Variants in HPSE2 observed in about 807,000 individuals in gnomAD.
HPSE2 encodes inactive heparanase-2.
In HPSE2, 38 loss-of-function variants were observed where a neutral mutation model predicts 60.5. The ratio of observed to expected loss-of-function variants is 0.63; its 90% confidence interval spans 0.48 to 0.82. The LOEUF is 0.82. HPSE2 is among the 40% of genes least tolerant of loss of function. The probability of loss-of-function intolerance (pLI) is 0.00; values close to 1 mark genes in which losing one functional copy is unlikely to be tolerated. For missense variants in HPSE2, 713 were observed against 740.4 expected (o/e 0.96, Z 0.43); for synonymous variants, 295 against 293.2 (o/e 1.01, Z -0.06).
At chr10:98,577,820 A>T (rs1944683734) in intron 9 of HPSE2, among the ~76,000 whole-genome samples, 1 of 152,076 alleles carries the variant, frequency 6.6e-6, no homozygotes. Flanking sequence ...ATTGACAATA[A>T]AGTTTATAAG....
At chr10:99,071,373 T>A (rs1036017001) in intron 3 of HPSE2, among the ~76,000 whole-genome samples, 2 of 152,184 alleles carry the variant, frequency 1.3e-5, no homozygotes, top group African/African-American at 4.8e-5. Flanking sequence ...CCTGGCCTAT[T>A]TTTAATTTTT....
At chr10:98,767,658 TATTA>T (rs1371135730) in intron 3 of HPSE2, among the ~76,000 whole-genome samples, 3 of 146,044 alleles carry the variant, frequency 2.1e-5, no homozygotes, top group Admixed American at 1.4e-4. Context: ...ATTTTAAATA[TATTA>T]TTTATGTATC....
chr10:98,604,179 G>A (rs775336797), intron 9 of HPSE2, among the ~76,000 whole-genome samples: 2 of 152,054 alleles, frequency 1.3e-5, no homozygotes, highest in African/African-American at 4.8e-5. Flanking sequence ...CAGGGATGCT[G>A]AAATTATCTG....
At chr10:98,582,206 G>A (rs187061278) in intron 9 of HPSE2, among the ~76,000 whole-genome samples, 3 of 152,288 alleles carry the variant, frequency 2.0e-5, no homozygotes, top group Admixed American at 2.0e-4. Context: ...TGTTGAAAAT[G>A]TAAACGGAAA....
At chr10:98,954,129 C>T (rs116144182) in intron 3 of HPSE2, among the ~76,000 whole-genome samples, 2,040 of 152,112 alleles carry the variant, frequency 0.013, 38 homozygotes, top group African/African-American at 0.046. Context: ...TATGGTAAAA[C>T]CCCATTTCTA....
At chr10:98,490,275 A>G (rs1278802918) in intron 9 of HPSE2, 79 bp from the exon 10 acceptor site, 1 of 1,246,926 alleles carries the variant, frequency 8.0e-7, no homozygotes, top group African/African-American at 1.5e-5. Context: ...ACACACACAC[A>G]CACACACACA....
Position 99,146,858 on chromosome 10 carries a change from C to T in HPSE2, c.449-2459G>A, listed in dbSNP as rs563856688. Among the ~76,000 whole-genome samples, 3 of 151,120 alleles carry T rather than the reference C, an allele frequency of 2.0e-5. No homozygotes were observed. The East Asian group carries it at 5.8e-4, about 29-fold the overall frequency. ...TCTGGGTGAAAGAGTGAGACTCCATCAAAAAAAATAAAAATAAAAATAAGC... is the reference window on the plus strand; with the variant it reads ...TCTGGGTGAAAGAGTGAGACTCCATTAAAAAAAATAAAAATAAAAATAAGC... On this transcript the variant is annotated intron_variant, in intron 2 of 11. Transcript: ENST00000370552.
intron 3 of HPSE2, among the ~76,000 whole-genome samples, chr10:99,052,174 A>G (rs552350153): frequency 6.6e-6 from 1 of 152,184 alleles, no homozygotes. Flanking sequence ...ATCAAGGACT[A>G]TAGGAAAGAA....
intron 5 of HPSE2, among the ~76,000 whole-genome samples, chr10:98,702,532 T>C (rs528895672): frequency 1.8e-4 from 28 of 152,248 alleles, no homozygotes; most frequent in African/African-American, 6.7e-4. Flanking sequence ...AACCACACAA[T>C]TGGAAGTAAA....
At chr10:98,622,572 C>T (rs750238412) in intron 7 of HPSE2, among the ~76,000 whole-genome samples, 9 of 152,186 alleles carry the variant, frequency 5.9e-5, no homozygotes, top group Non-Finnish European at 1.2e-4. Flanking sequence ...CCTCTCTCCC[C>T]ACATTTGCTA....
intron 5 of HPSE2, among the ~76,000 whole-genome samples, chr10:98,716,800 T>C (rs1948801674): frequency 6.6e-6 from 1 of 152,134 alleles, no homozygotes; most frequent in African/African-American, 2.4e-5. Flanking sequence ...AGTAATATTT[T>C]GAAAGGAATC....
chr10:98,775,321 A>G (rs1000622829), intron 3 of HPSE2, among the ~76,000 whole-genome samples: 8 of 152,180 alleles, frequency 5.3e-5, no homozygotes, highest in Non-Finnish European at 8.8e-5. Flanking sequence ...TGAACCAAGT[A>G]ATGATGGAGG....
chr10:98,710,333 A>G (rs1948646087), intron 5 of HPSE2, among the ~76,000 whole-genome samples: 1 of 152,040 alleles, frequency 6.6e-6, no homozygotes, highest in African/African-American at 2.4e-5. Flanking sequence ...CTATTTATGT[A>G]TATTAATAAT....
At chr10:98,898,699 C>T (rs1201813308) in intron 3 of HPSE2, among the ~76,000 whole-genome samples, 1 of 151,936 alleles carries the variant, frequency 6.6e-6, no homozygotes, top group Non-Finnish European at 1.5e-5. Context: ...CAAAAGTGAA[C>T]CTTAACGTAT....
At chr10:98,463,533 G>A (rs1940396496) in intron 11 of HPSE2, among the ~76,000 whole-genome samples, 2 of 152,248 alleles carry the variant, frequency 1.3e-5, no homozygotes, top group African/African-American at 4.8e-5. Flanking sequence ...TGGGTGTGGT[G>A]GCTCATGCCT....
chr10:98,860,084 T>C (rs1284718596), intron 3 of HPSE2, among the ~76,000 whole-genome samples: 2 of 152,176 alleles, frequency 1.3e-5, no homozygotes, highest in African/African-American at 4.8e-5. Flanking sequence ...CTATCCACAG[T>C]TTCAGGCATC....
At chr10:98,916,950 G>C (rs576056077) in intron 3 of HPSE2, among the ~76,000 whole-genome samples, 1 of 152,220 alleles carries the variant, frequency 6.6e-6, no homozygotes, top group East Asian at 1.9e-4. Flanking sequence ...CTACTGGGAG[G>C]AAATGAGGCT....
At chr10:98,946,794 T>C (rs1478173555) in intron 3 of HPSE2, among the ~76,000 whole-genome samples, 1 of 152,102 alleles carries the variant, frequency 6.6e-6, no homozygotes, top group Non-Finnish European at 1.5e-5. Flanking sequence ...TCTATTGTAC[T>C]ATGGTAATAA....
intron 3 of HPSE2, among the ~76,000 whole-genome samples, chr10:98,958,708 T>C (rs1442106397): frequency 6.6e-6 from 1 of 152,120 alleles, no homozygotes; most frequent in Non-Finnish European, 1.5e-5. Flanking sequence ...AACTAAACCC[T>C]GTGCTCTAAC....
Sources: allele counts gnomAD v4.1 joint callset (sites outside exome capture counted in the v4.1 genomes callset), GRCh38; gene constraint gnomAD v4.1.1; transcripts MANE v1.5; gene names NCBI Gene and HGNC (gene_info 2026-07-23, HGNC 2026-07-21).